Variants in TEX9 observed in about 807,000 individuals in gnomAD.
TEX9 encodes the protein testis expressed 9.
A neutral mutation model predicts 59.6 loss-of-function variants in TEX9; 74 were observed. The observed-to-expected ratio is 1.24, with a 90% CI of 1.03 to 1.51. TEX9 has a LOEUF of 1.51. Among genes scored for constraint, TEX9 ranks in the 40% most tolerant of loss-of-function variants. TEX9 has a pLI of 0.00. For missense variants in TEX9, 522 were observed against 447.8 expected, an observed-to-expected ratio of 1.17 and a Z score of -1.49; for synonymous variants, 186 against 152.2, an observed-to-expected ratio of 1.22 and a Z score of -1.64.
intron 1 of TEX9, among the ~76,000 whole-genome samples, chr15:56,333,543 G>A (rs1007458320): frequency 6.7e-6 from 1 of 148,728 alleles, no homozygotes; most frequent in Non-Finnish European, 1.5e-5. Flanking sequence ...AAAAGCCATA[G>A]ATGACAGAAC....
intron 12 of TEX9, among the ~76,000 whole-genome samples, chr15:56,438,660 A>G (rs1241544490): frequency 6.6e-6 from 1 of 152,220 alleles, no homozygotes; most frequent in Non-Finnish European, 1.5e-5. Context: ...TAATTAAACT[A>G]AAGAGCTTCC....
At chr15:56,369,160 AG>A (rs1486216251) in intron 2 of TEX9, among the ~76,000 whole-genome samples, 2 of 151,976 alleles carry the variant, frequency 1.3e-5, no homozygotes, top group Non-Finnish European at 2.9e-5. Flanking sequence ...GCAAGCACAT[AG>A]GGTTGTTTGT....
Position 56,402,131 on chromosome 15 carries a change from C to T in TEX9, c.828+7297C>T, listed in dbSNP as rs1253356665. On this transcript the variant is annotated intron_variant, in intron 9 of 12. Coordinates refer to ENST00000352903, the Ensembl canonical transcript of TEX9. ...GCAGAAAGCAAGAAATAACTAAGAT[C>T]AGAGCAGAACTGAAGGAGATAGAGA... is the stretch of plus-strand genomic sequence containing the variant. Among the ~76,000 whole-genome samples the T allele has an allele frequency of 3.3e-5, 5 of 152,210 alleles. No homozygotes were observed. The East Asian group carries it at 5.8e-4, about 18-fold the overall frequency.
chr15:56,459,999 AAAAAAAAAAAATAC>A, the TEX9 span, among the ~76,000 whole-genome samples: 1 of 33,684 alleles, frequency 3.0e-5, no homozygotes, highest in Non-Finnish European at 5.8e-5. Flanking sequence ...TCAAAAAAAA[AAAAAAAAAAAATAC>A]ATATATATAT....
chr15:56,429,571 T>G (rs1194943446), intron 12 of TEX9: 2 of 156,310 alleles, frequency 1.3e-5, no homozygotes, highest in African/African-American at 4.8e-5. Context: ...GATTCATGCA[T>G]GGGATTAGTT....
At chr15:56,386,998 A>G (rs1004218776) in intron 4 of TEX9, among the ~76,000 whole-genome samples, 3 of 146,970 alleles carry the variant, frequency 2.0e-5, no homozygotes, top group Admixed American at 7.0e-5. Flanking sequence ...TAGGTCTTCA[A>G]CACCCAGGAT....
intron 1 of TEX9, among the ~76,000 whole-genome samples, chr15:56,245,445 T>C (rs2043827850): frequency 6.6e-6 from 1 of 152,200 alleles, no homozygotes; most frequent in Admixed American, 6.5e-5. Context: ...TTCCATACTC[T>C]AAGGTCTCTA....
exon 11 of TEX9, chr15:56,427,709 A>C (rs746534901): frequency 6.7e-6 from 10 of 1,501,144 alleles, no homozygotes; most frequent in Non-Finnish European, 8.9e-6. Context: ...AGAAACAGTT[A>C]AAATTAATTG....
chr15:56,335,151 A>G (rs942843855), intron 1 of TEX9, among the ~76,000 whole-genome samples: 16 of 152,216 alleles, frequency 1.1e-4, no homozygotes, highest in Admixed American at 7.2e-4. Flanking sequence ...ACTGCCAGGT[A>G]TAGAGCCAAA....
chr15:56,310,405 C>G (rs565614110), intron 1 of TEX9, among the ~76,000 whole-genome samples: 121 of 152,288 alleles, frequency 7.9e-4, no homozygotes, highest in African/African-American at 2.8e-3. Context: ...GCACTCCAGC[C>G]TGGGCAACAA....
intron 1 of TEX9, among the ~76,000 whole-genome samples, chr15:56,253,807 G>A (rs1198264560): frequency 6.6e-6 from 1 of 151,780 alleles, no homozygotes; most frequent in Non-Finnish European, 1.5e-5. Flanking sequence ...TTCACAATCA[G>A]TGTCTCCCAC....
chr15:56,442,563 A>G (rs1227378715), intron 12 of TEX9, among the ~76,000 whole-genome samples: 3 of 152,234 alleles, frequency 2.0e-5, no homozygotes, highest in African/African-American at 4.8e-5. Context: ...CAGCCATAAA[A>G]AAGAACAAAA....
chr15:56,441,844 C>G (rs2050819283), intron 12 of TEX9, among the ~76,000 whole-genome samples: 3 of 152,018 alleles, frequency 2.0e-5, no homozygotes, highest in African/African-American at 4.8e-5. Flanking sequence ...GAAACCCCAT[C>G]TCTACTAAAA....
chr15:56,298,899 AC>A (rs2045276595), intron 1 of TEX9, among the ~76,000 whole-genome samples: 1 of 152,256 alleles, frequency 6.6e-6, no homozygotes, highest in African/African-American at 2.4e-5. Context: ...GTTATTGATT[AC>A]ATGAATAAAT....
At position 56,427,658 on chromosome 15, in the gene TEX9, G is replaced by A. The variant is rs143955041; in HGVS notation, c.1017G>A (p.Lys339=). Reference sequence around the variant, plus strand: ...TTGAAGTGTTAAAATCAGAAAACAAGAAGCTAGAAAAACAAAAAGGAGAAT... The same window carrying A: ...TTGAAGTGTTAAAATCAGAAAACAAAAAGCTAGAAAAACAAAAAGGAGAAT... Residue 339 remains lysine (K), a synonymous_variant, in exon 11 of 13, where the codon AAG becomes AAA. Transcript: ENST00000352903. The A allele has an allele frequency of 6.5e-6, 10 of 1,549,390 alleles. No homozygotes were observed. In the African/African-American group the frequency reaches 1.4e-4, roughly 22 times the overall value.
At chr15:56,337,491 G>A (rs1044339129) in intron 1 of TEX9, among the ~76,000 whole-genome samples, 21 of 152,300 alleles carry the variant, frequency 1.4e-4, no homozygotes, top group African/African-American at 3.1e-4. Flanking sequence ...GCAAGCAACC[G>A]TAACTGGGGC....
At chr15:56,366,519 A>G (rs8036425) in intron 2 of TEX9, among the ~76,000 whole-genome samples, 4,149 of 152,092 alleles carry the variant, frequency 0.027, 185 homozygotes, top group African/African-American at 0.095. Flanking sequence ...GGTCTTTTTC[A>G]TTGTCTCAGT....
rs139408498 is a variant in TEX9, at chr15:56,256,582, G to T, written c.-107+12304G>T. Among the ~76,000 whole-genome samples the T allele has an allele frequency of 9.2e-5, 14 of 152,028 alleles. No homozygotes were observed. The East Asian group carries it at 2.7e-3, about 29-fold the overall frequency. On this transcript the variant is annotated intron_variant, in intron 1 of 5. Coordinates refer to the TEX9 transcript ENST00000560827. Reference sequence around the variant, plus strand: ...TTGGGGGTTGGGGTGGGATAAATTTGTATAAAACTAAGAGATGATTTTTTG... The same window carrying T: ...TTGGGGGTTGGGGTGGGATAAATTTTTATAAAACTAAGAGATGATTTTTTG...
chr15:56,393,339 G>C (rs1280941725), intron 7 of TEX9, among the ~76,000 whole-genome samples: 1 of 152,134 alleles, frequency 6.6e-6, no homozygotes, highest in Non-Finnish European at 1.5e-5. Context: ...TCAGCTCCAT[G>C]ATAACACTGA....
Sources: allele counts gnomAD v4.1 joint callset (sites outside exome capture counted in the v4.1 genomes callset), GRCh38; gene constraint gnomAD v4.1.1; transcripts MANE v1.5; gene names NCBI Gene and HGNC (gene_info 2026-07-23, HGNC 2026-07-21).